The following KAZN variants were observed in gnomAD, a reference collection of about 807,000 sequenced individuals.
The protein encoded by KAZN is kazrin.
KAZN carries 40 observed loss-of-function variants against 87.4 expected under a neutral mutation model. The ratio of observed to expected loss-of-function variants is 0.46; its 90% CI spans 0.36 to 0.60. The LOEUF is 0.60. KAZN is among the 20% of genes least tolerant of loss of function. The probability of loss-of-function intolerance (pLI) is 0.00; values close to 1 mark genes in which losing one functional copy is unlikely to be tolerated. For synonymous variants in KAZN, 466 were observed against 458.3 expected, an observed-to-expected ratio of 1.02 and a Z score of -0.22; for missense variants, 898 against 1,073.9, an observed-to-expected ratio of 0.84 and a Z score of 2.29.
chr1:14,494,785 C>T (rs914937940), intron 2 of KAZN, among the ~76,000 whole-genome samples: 1 of 152,128 alleles, frequency 6.6e-6, no homozygotes, highest in Non-Finnish European at 1.5e-5. Flanking sequence ...TAAAATGTGA[C>T]CCCTTTCAGT....
At chr1:14,135,122 C>A (rs1451097811) in intron 1 of KAZN, among the ~76,000 whole-genome samples, 3 of 152,160 alleles carry the variant, frequency 2.0e-5, no homozygotes, top group East Asian at 1.9e-4. Context: ...TTTGCACCAA[C>A]CTGCAACCTG....
intron 2 of KAZN, among the ~76,000 whole-genome samples, chr1:14,382,039 C>T (rs945951910): frequency 6.6e-6 from 1 of 152,088 alleles, no homozygotes; most frequent in Non-Finnish European, 1.5e-5. Flanking sequence ...CAACTGTGAA[C>T]AATCTGAAAA....
At chr1:14,810,643 C>A (rs1003084835) in intron 1 of KAZN, among the ~76,000 whole-genome samples, 2 of 150,904 alleles carry the variant, frequency 1.3e-5, no homozygotes, top group African/African-American at 2.4e-5. Context: ...AAGTCTAGTA[C>A]CAAACTGCTA....
chr1:14,714,140 G>T (rs1021870228), intron 1 of KAZN, among the ~76,000 whole-genome samples: 3 of 152,090 alleles, frequency 2.0e-5, no homozygotes, highest in African/African-American at 7.2e-5. Flanking sequence ...CTGTGGTTTG[G>T]GTGCAGGTCC....
intron 2 of KAZN, among the ~76,000 whole-genome samples, chr1:14,227,327 G>T (rs1295479693): frequency 6.6e-6 from 1 of 152,102 alleles, no homozygotes; most frequent in East Asian, 1.9e-4. Context: ...AGTGAGAATG[G>T]TTCTTCTCTT....
chr1:14,733,581 G>T (rs1572349327), intron 1 of KAZN, among the ~76,000 whole-genome samples: 1 of 151,954 alleles, frequency 6.6e-6, no homozygotes, highest in Non-Finnish European at 1.5e-5. Flanking sequence ...TCGGGGAGTG[G>T]GGGAGTTCTG....
chr1:13,951,623 G>GATGATA (rs1641346563), intron 1 of KAZN, among the ~76,000 whole-genome samples: 1 of 148,396 alleles, frequency 6.7e-6, no homozygotes, highest in Admixed American at 6.7e-5. Flanking sequence ...CTAAAATGGA[G>GATGATA]ATAATAATAA....
chr1:14,808,729 G>A (rs1646308499), intron 1 of KAZN, among the ~76,000 whole-genome samples: 1 of 151,968 alleles, frequency 6.6e-6, no homozygotes. Context: ...AGATACTTTG[G>A]GCCACAGATA....
chr1:14,762,576 T>A (rs1644769771), intron 1 of KAZN, among the ~76,000 whole-genome samples: 1 of 151,914 alleles, frequency 6.6e-6, no homozygotes, highest in Non-Finnish European at 1.5e-5. Flanking sequence ...ATACAAAAAA[T>A]TAGCCAGTCG....
rs76448303 is a variant in KAZN, at chr1:14,329,268, A to G, written c.249+148676A>G. Reference sequence around the variant, plus strand: ...CTCCAGCAGAAGGAGGTCATCCAGGAAAATGTTCTGTTGGCTTAGCTTGGG... The same window carrying G: ...CTCCAGCAGAAGGAGGTCATCCAGGGAAATGTTCTGTTGGCTTAGCTTGGG... On this transcript the variant is annotated intron_variant, in intron 2 of 16. Transcript: ENST00000636203. Among the ~76,000 whole-genome samples, 60 of 152,100 alleles carry G rather than the reference A, an allele frequency of 3.9e-4. 1 individual carries two copies. In the East Asian group the frequency reaches 0.01, roughly 26 times the overall value.
At chr1:15,053,021 C>T (rs1376048463) in intron 4 of KAZN, among the ~76,000 whole-genome samples, 2 of 152,202 alleles carry the variant, frequency 1.3e-5, no homozygotes, top group African/African-American at 4.8e-5. Flanking sequence ...CTTGTACAAT[C>T]CTGTGCTTCC....
chr1:14,058,955 G>C (rs145987766), intron 1 of KAZN, among the ~76,000 whole-genome samples: 1 of 152,192 alleles, frequency 6.6e-6, no homozygotes, highest in Non-Finnish European at 1.5e-5. Context: ...AGCAGCATAC[G>C]ATGAGGCTGG....
chr1:13,992,240 C>T (rs573187558), intron 1 of KAZN, among the ~76,000 whole-genome samples: 41 of 152,310 alleles, frequency 2.7e-4, no homozygotes, highest in African/African-American at 4.3e-4. Context: ...CAGGACAGCA[C>T]GTCACTTTAT....
chr1:14,917,293 A>G (rs1657916986), intron 1 of KAZN, among the ~76,000 whole-genome samples: 1 of 152,182 alleles, frequency 6.6e-6, no homozygotes. Context: ...GGGGTCCCAG[A>G]GTCCTGCTGG....
intron 2 of KAZN, among the ~76,000 whole-genome samples, chr1:14,964,414 A>G (rs965183319): frequency 4.6e-5 from 7 of 152,328 alleles, no homozygotes; most frequent in African/African-American, 1.7e-4. Context: ...GGGGTGGCCC[A>G]GACCTGAGAC....
intron 2 of KAZN, among the ~76,000 whole-genome samples, chr1:14,558,863 G>A (rs758899101): frequency 1.2e-4 from 18 of 152,192 alleles, no homozygotes; most frequent in Non-Finnish European, 2.6e-4. Flanking sequence ...CAAGATAAAA[G>A]TGGGGCTTAT....
chr1:14,527,148 C>T (rs186954208), intron 2 of KAZN, among the ~76,000 whole-genome samples: 5 of 152,238 alleles, frequency 3.3e-5, no homozygotes, highest in Admixed American at 2.6e-4. Context: ...TGGGGTCATT[C>T]ATGAAGTCGT....
chr1:14,320,878 T>G (rs571518772), intron 2 of KAZN, among the ~76,000 whole-genome samples: 69 of 152,314 alleles, frequency 4.5e-4, no homozygotes, highest in African/African-American at 1.6e-3. Flanking sequence ...GTCCATGGGA[T>G]TCAAATTCAT....
intron 1 of KAZN, among the ~76,000 whole-genome samples, chr1:14,724,509 G>A (rs1026978006): frequency 4.6e-5 from 7 of 152,094 alleles, no homozygotes; most frequent in African/African-American, 1.7e-4. Flanking sequence ...ACATGCCTCT[G>A]GGTCCTCGAA....
Sources: gnomAD v4.1 joint callset for allele counts (sites outside exome capture counted in the v4.1 genomes callset) on GRCh38, gnomAD v4.1.1 for gene constraint, MANE v1.5 for transcripts, NCBI Gene and HGNC (gene_info 2026-07-23, HGNC 2026-07-21) for gene names.